Variants in UPP2 observed in about 807,000 individuals in gnomAD.
UPP2 encodes UPase 2.
A neutral mutation model predicts 26.7 loss-of-function variants in UPP2; 23 were observed. That is an observed-to-expected ratio of 0.86 (90% CI 0.62 to 1.22). The LOEUF (loss-of-function observed/expected upper bound fraction) is 1.22, where lower values mean the gene tolerates loss of function less well. Among genes scored for constraint, UPP2 ranks in the 50% most tolerant of loss-of-function variants. UPP2 has a pLI of 0.00. For missense variants in UPP2, 387 were observed against 396.7 expected (o/e 0.98, Z 0.21); for synonymous variants, 127 against 141.3 (o/e 0.90, Z 0.72).
chr2:157,998,115 A>G (rs1396488379), intron 2 of UPP2, among the ~76,000 whole-genome samples: 1 of 152,164 alleles, frequency 6.6e-6, no homozygotes, highest in Non-Finnish European at 1.5e-5. Flanking sequence ...AGCTCATGCA[A>G]CTGGAGGTGG....
chr2:158,010,637 A>C (rs924207138), intron 2 of UPP2, among the ~76,000 whole-genome samples: 15 of 152,248 alleles, frequency 9.9e-5, no homozygotes, highest in African/African-American at 3.6e-4. Flanking sequence ...TGGTGAGGGA[A>C]ATACAGGGCA....
At chr2:158,023,232 G>GGGGC (rs72121455) in intron 3 of UPP2, among the ~76,000 whole-genome samples, 3 of 147,138 alleles carry the variant, frequency 2.0e-5, no homozygotes, top group Admixed American at 6.8e-5. Flanking sequence ...CTGTCAGTTG[G>GGGGC]GGGGGGGCAT....
At chr2:158,072,641 G>GAGACAGACAGAC (rs34853147) in intron 3 of UPP2, among the ~76,000 whole-genome samples, 6 of 150,158 alleles carry the variant, frequency 4.0e-5, no homozygotes, top group African/African-American at 1.5e-4. Context: ...CAGAGAGAAA[G>GAGACAGACAGAC]AGACAGACAG....
At chr2:158,026,548 A>T (rs1272697451) in intron 3 of UPP2, among the ~76,000 whole-genome samples, 1 of 152,088 alleles carries the variant, frequency 6.6e-6, no homozygotes, top group Admixed American at 6.5e-5. Context: ...GAGGAGATGC[A>T]TATATGGTTG....
At chr2:158,083,891 A>C (rs1304050623) in intron 3 of UPP2, among the ~76,000 whole-genome samples, 1 of 147,440 alleles carries the variant, frequency 6.8e-6, no homozygotes, top group African/African-American at 2.5e-5. Flanking sequence ...ATATCTCACA[A>C]GTTCTTTATC....
At chr2:158,095,092 G>A (rs1682965388) in intron 3 of UPP2, among the ~76,000 whole-genome samples, 1 of 152,154 alleles carries the variant, frequency 6.6e-6, no homozygotes, top group African/African-American at 2.4e-5. Flanking sequence ...ACAGCTCAGG[G>A]GCAGACAGAA....
rs769335725 is a variant in UPP2 at position 158,102,096 on chromosome 2, C to T, written c.33C>T (p.Ser11=). 8 of 1,613,278 alleles carry T rather than the reference C, an allele frequency of 5.0e-6. No individual in the cohort carries two copies. The highest frequency in any genetic ancestry group is 1.6e-4 in the Middle Eastern group (1 of 6,078). The change falls in exon 1 of 7, where the codon TCC becomes TCT. Residue 11 remains serine (S), a synonymous_variant. Transcript: ENST00000005756. ...CAGTTATACCTGCCTCCAATAGGTC[C>T]ATGAGATCTGACAGGAATACATATG... MASVIPASNR[S]MRSDRNTYVG...
chr2:158,039,480 A>C (rs1684054905), intron 3 of UPP2, among the ~76,000 whole-genome samples: 1 of 152,254 alleles, frequency 6.6e-6, no homozygotes, highest in South Asian at 2.1e-4. Flanking sequence ...CAAGGTACAG[A>C]AAAGTTAAGC....
chr2:158,118,681 G>T (rs910633628), intron 4 of UPP2, among the ~76,000 whole-genome samples: 29 of 152,166 alleles, frequency 1.9e-4, no homozygotes, highest in Admixed American at 7.9e-4. Flanking sequence ...CATGGCAAAT[G>T]GAGAAGTTTG....
intron 3 of UPP2, among the ~76,000 whole-genome samples, chr2:158,038,651 A>G (rs1272307797): frequency 6.6e-6 from 1 of 152,220 alleles, no homozygotes; most frequent in African/African-American, 2.4e-5. Flanking sequence ...TTCACCCTTG[A>G]GCTGGAACAG....
chr2:158,116,362 G>A (rs914179107), intron 3 of UPP2, among the ~76,000 whole-genome samples: 1 of 151,966 alleles, frequency 6.6e-6, no homozygotes, highest in Non-Finnish European at 1.5e-5. Flanking sequence ...AATGGAGAAG[G>A]ACAAAAAAGT....
chr2:158,018,379 T>C (rs901156414), intron 3 of UPP2, among the ~76,000 whole-genome samples: 2 of 152,256 alleles, frequency 1.3e-5, no homozygotes, highest in Non-Finnish European at 2.9e-5. Flanking sequence ...CTTTTTTTCT[T>C]ATTAGGAATT....
At chr2:158,078,497 G>T (rs1460678440) in intron 3 of UPP2, among the ~76,000 whole-genome samples, 1 of 152,106 alleles carries the variant, frequency 6.6e-6, no homozygotes, top group Non-Finnish European at 1.5e-5. Context: ...GATGGAACTG[G>T]CAATCATTAC....
chr2:158,057,766 T>A (rs1219651621), intron 3 of UPP2, among the ~76,000 whole-genome samples: 1 of 152,074 alleles, frequency 6.6e-6, no homozygotes, highest in Non-Finnish European at 1.5e-5. Flanking sequence ...CTTTTTTTGT[T>A]GTTCCAGGAT....
At chr2:158,068,719 A>G (rs1574273009) in intron 3 of UPP2, among the ~76,000 whole-genome samples, 1 of 138,390 alleles carries the variant, frequency 7.2e-6, no homozygotes. Flanking sequence ...ACTGAGGACT[A>G]TGATAAATAG....
At chr2:158,045,473 T>C (rs1329293019) in intron 3 of UPP2, among the ~76,000 whole-genome samples, 1 of 152,130 alleles carries the variant, frequency 6.6e-6, no homozygotes, top group Non-Finnish European at 1.5e-5. Context: ...TCCAGGTAAT[T>C]TGGGGTACTG....
intron 3 of UPP2, among the ~76,000 whole-genome samples, chr2:158,040,747 G>T (rs1684072044): frequency 6.6e-6 from 1 of 152,122 alleles, no homozygotes; most frequent in Non-Finnish European, 1.5e-5. Flanking sequence ...GACATCTTTA[G>T]CTCTCAAAAC....
intron 2 of UPP2, among the ~76,000 whole-genome samples, chr2:158,007,934 T>C (rs1574242635): frequency 1.3e-5 from 2 of 152,310 alleles, no homozygotes; most frequent in South Asian, 4.1e-4. Flanking sequence ...TTTTCATGTA[T>C]CTCTATTTTC....
chr2:158,133,981 GA>G (rs1340109610), intron 6 of UPP2: 2 of 152,204 alleles, frequency 1.3e-5, no homozygotes, highest in African/African-American at 2.4e-5. Flanking sequence ...AATTCATATG[GA>G]ACTCAATTTT....
Sources: gnomAD v4.1 joint callset for allele counts (sites outside exome capture counted in the v4.1 genomes callset) on GRCh38, gnomAD v4.1.1 for gene constraint, MANE v1.5 for transcripts, NCBI Gene and HGNC (gene_info 2026-07-23, HGNC 2026-07-21) for gene names.